Variants in CSMD1 observed in about 807,000 individuals in gnomAD.
CSMD1 encodes the protein CUB and Sushi multiple domains 1.
A neutral mutation model predicts 417.5 loss-of-function variants in CSMD1; 213 were observed. That is an observed-to-expected ratio of 0.51 (90% CI 0.46 to 0.57). CSMD1 has a LOEUF of 0.57. Among genes scored for constraint, CSMD1 ranks in the 20% least tolerant of loss-of-function variants. The probability of loss-of-function intolerance (pLI) is 0.00; values close to 1 mark genes in which losing one functional copy is unlikely to be tolerated. For missense variants in CSMD1, 6,923 were observed against 4,529.7 expected, an observed-to-expected ratio of 1.53 and a Z score of -15.17; for synonymous variants, 2,862 against 1,736.8, an observed-to-expected ratio of 1.65 and a Z score of -16.11.
At chr8:3,518,960 A>G (rs1033320176) in intron 10 of CSMD1, among the ~76,000 whole-genome samples, 20 of 152,134 alleles carry the variant, frequency 1.3e-4, no homozygotes, top group Admixed American at 3.9e-4. Flanking sequence ...CAACACAACA[A>G]TGTTATGTAG....
chr8:3,704,300 T>A (rs1438196876), intron 7 of CSMD1, among the ~76,000 whole-genome samples: 1 of 152,104 alleles, frequency 6.6e-6, no homozygotes, highest in African/African-American at 2.4e-5. Flanking sequence ...CCTTCTGTTC[T>A]TTGCGTGATT....
intron 1 of CSMD1, among the ~76,000 whole-genome samples, chr8:4,941,519 T>C (rs1365756203): frequency 4.6e-5 from 7 of 152,216 alleles, no homozygotes; most frequent in Non-Finnish European, 1.5e-5. Flanking sequence ...CACATGTAAC[T>C]TGTTGTGTTT....
chr8:4,642,338 T>C (rs969613597), intron 1 of CSMD1, among the ~76,000 whole-genome samples: 7 of 152,222 alleles, frequency 4.6e-5, no homozygotes, highest in African/African-American at 1.7e-4. Context: ...AAAATGGCCC[T>C]GTGCCCTCAT....
At chr8:3,282,723 C>A (rs1048986300) in intron 26 of CSMD1, among the ~76,000 whole-genome samples, 3 of 152,010 alleles carry the variant, frequency 2.0e-5, no homozygotes, top group African/African-American at 7.2e-5. Context: ...ACAGTGAAAC[C>A]AGAGGTAAGA....
intron 1 of CSMD1, among the ~76,000 whole-genome samples, chr8:4,883,040 T>C (rs1309919774): frequency 6.6e-6 from 1 of 151,932 alleles, no homozygotes; most frequent in Non-Finnish European, 1.5e-5. Context: ...ACCAATAACA[T>C]CGTTAGAGTG....
chr8:3,223,629 C>G, intron 28 of CSMD1, 100 bp downstream of exon 28: 1 of 1,221,804 alleles, frequency 8.2e-7, no homozygotes, highest in Non-Finnish European at 1.2e-6. Flanking sequence ...TAGCACTTAC[C>G]TAGATATAAC....
chr8:4,056,059 T>C (rs1296536627), intron 3 of CSMD1, among the ~76,000 whole-genome samples: 3 of 150,776 alleles, frequency 2.0e-5, no homozygotes, highest in African/African-American at 2.4e-5. Context: ...TGAATCTCTG[T>C]TTGGATATTG....
At chr8:3,499,624 G>C (rs568721920) in intron 10 of CSMD1, among the ~76,000 whole-genome samples, 1 of 151,998 alleles carries the variant, frequency 6.6e-6, no homozygotes, top group Non-Finnish European at 1.5e-5. Context: ...AGGGTCTTGG[G>C]AGCATGCACT....
chr8:4,470,264 C>A (rs1231683854), intron 2 of CSMD1, among the ~76,000 whole-genome samples: 1 of 152,154 alleles, frequency 6.6e-6, no homozygotes, highest in African/African-American at 2.4e-5. Context: ...AGGGGCTCCT[C>A]CTCTATCCCG....
At chr8:3,629,906 T>A (rs747340457) in intron 7 of CSMD1, among the ~76,000 whole-genome samples, 1 of 152,174 alleles carries the variant, frequency 6.6e-6, no homozygotes, top group Non-Finnish European at 1.5e-5. Context: ...AAAAAGTAGA[T>A]TCAAAATTTT....
At chr8:3,281,335 T>G (rs79709074) in intron 26 of CSMD1, among the ~76,000 whole-genome samples, 24,580 of 151,730 alleles carry the variant, frequency 0.16, 2,267 homozygotes, top group East Asian at 0.28. Flanking sequence ...TCCCAGCTAC[T>G]CGGGAGGCTG....
At chr8:4,299,851 G>C (rs550892372) in intron 3 of CSMD1, among the ~76,000 whole-genome samples, 3 of 152,066 alleles carry the variant, frequency 2.0e-5, no homozygotes, top group East Asian at 1.9e-4. Flanking sequence ...GGATGGTCTC[G>C]ATCTCCTGAC....
chr8:3,675,092 C>T (rs1799302956), intron 7 of CSMD1, among the ~76,000 whole-genome samples: 1 of 152,152 alleles, frequency 6.6e-6, no homozygotes, highest in African/African-American at 2.4e-5. Flanking sequence ...CATAAAACGC[C>T]ATCTTGAAGA....
intron 8 of CSMD1, among the ~76,000 whole-genome samples, chr8:3,598,059 A>C (rs1213739158): frequency 6.6e-6 from 1 of 152,168 alleles, no homozygotes; most frequent in Non-Finnish European, 1.5e-5. Flanking sequence ...CTTTCTTCTT[A>C]ATACAGTTTA....
intron 52 of CSMD1, among the ~76,000 whole-genome samples, chr8:3,004,046 G>A (rs1480896242): frequency 1.3e-5 from 2 of 152,108 alleles, no homozygotes; most frequent in African/African-American, 4.8e-5. Flanking sequence ...CACTGAGTAT[G>A]CACAGTAGCA....
chr8:4,048,247 A>T (rs773641176), intron 3 of CSMD1, among the ~76,000 whole-genome samples: 17 of 152,222 alleles, frequency 1.1e-4, no homozygotes, highest in Non-Finnish European at 1.8e-4. Flanking sequence ...TGAGATTAGA[A>T]TGAAAAGTGA....
At chr8:4,319,893 A>G (rs535951195) in intron 3 of CSMD1, among the ~76,000 whole-genome samples, 26 of 152,296 alleles carry the variant, frequency 1.7e-4, no homozygotes, top group Middle Eastern at 3.4e-3. Context: ...AGCTCAGGCT[A>G]CAGAAAGATC....
In CSMD1 at chr8:3,488,716, G is replaced by A. The variant is rs571532536; in HGVS notation, c.1448+4907C>T. On this transcript the variant is annotated intron_variant, in intron 11 of 69. Coordinates refer to ENST00000635120, the MANE Select transcript of CSMD1 (RefSeq NM_033225.6). ...CAAGAACGCTTCCAGATAAGAGGCC[G>A]GGAAAGAAAAGCTAACAATGGATAG... 5.9e-5 allele frequency among the ~76,000 whole-genome samples: 9 copies of A among 152,178 alleles called. No homozygotes were observed. The East Asian group carries it at 7.8e-4, about 13-fold the overall frequency.
chr8:4,461,229 T>C (rs182739824), intron 2 of CSMD1, among the ~76,000 whole-genome samples: 48 of 152,004 alleles, frequency 3.2e-4, no homozygotes, highest in Admixed American at 3.3e-4. Flanking sequence ...ATGGGGAATT[T>C]CTTCAACCTG....
Sources: allele counts gnomAD v4.1 joint callset (sites outside exome capture counted in the v4.1 genomes callset), GRCh38; gene constraint gnomAD v4.1.1; transcripts MANE v1.5; gene names NCBI Gene and HGNC (gene_info 2026-07-23, HGNC 2026-07-21).